TMC7: variants seen among roughly 807,000 people sequenced by gnomAD.
The protein encoded by TMC7 is transmembrane channel-like protein 7.
Under a neutral mutation model 82.9 loss-of-function variants are expected in TMC7, and 54 were observed. That is an observed-to-expected ratio of 0.65 (90% confidence interval 0.52 to 0.82). The LOEUF is 0.82. Ranked by LOEUF, TMC7 falls within the 40% of genes least tolerant of loss-of-function variation. The pLI is 0.00. For missense variants in TMC7, 820 were observed against 901.2 expected, an observed-to-expected ratio of 0.91 and a Z score of 1.15; for synonymous variants, 350 against 337.9, an observed-to-expected ratio of 1.04 and a Z score of -0.39.
chr16:18,997,574 TG>T (rs2039065411), intron 1 of TMC7, among the ~76,000 whole-genome samples: 1 of 151,750 alleles, frequency 6.6e-6, no homozygotes, highest in African/African-American at 2.4e-5. Flanking sequence ...TTCGCCATGT[TG>T]GCCAGGCTGG....
chr16:19,051,861 CT>C, intron 13 of TMC7, 45 bp downstream of exon 13: 1 of 1,604,962 alleles, frequency 6.2e-7, no homozygotes, highest in Non-Finnish European at 8.5e-7. Context: ...GCTTCTTGAC[CT>C]CTTCCTCTTT....
intron 1 of TMC7, among the ~76,000 whole-genome samples, chr16:19,004,041 TTAAA>T (rs1202105385): frequency 0.032 from 4,090 of 127,522 alleles, 168 homozygotes; most frequent in African/African-American, 0.1. Context: ...AAAAATAAAT[TTAAA>T]AAAAAAAAAA....
intron 1 of TMC7, among the ~76,000 whole-genome samples, chr16:19,008,890 A>T (rs558705482): frequency 4.6e-5 from 7 of 152,328 alleles, no homozygotes; most frequent in Admixed American, 4.6e-4. Context: ...AACTTGCCCA[A>T]GGCCATGCTT....
Position 19,045,451 on chromosome 16 carries a change from G to T in TMC7, c.1553+13G>T. On this transcript the variant is annotated intron_variant, in intron 11 of 15. Transcript: ENST00000304381. ...ATTTTCCTAGAAAGTAAGTGCGAGG[G>T]GTGCCCATATTATCCCCCCCACCAC... is the stretch of plus-strand genomic sequence containing the variant. 1.9e-6 allele frequency: 3 copies of T among 1,585,230 alleles called. No individual in the cohort carries two copies. The highest frequency in any genetic ancestry group is 2.6e-6 in the Non-Finnish European group (3 of 1,153,866).
At chr16:19,047,336 C>T in intron 12 of TMC7, 87 bp downstream of exon 12, 1 of 1,116,742 alleles carries the variant, frequency 9.0e-7, no homozygotes, top group Non-Finnish European at 1.3e-6. Flanking sequence ...CACCTCACAT[C>T]CCATGAGACG....
At position 19,021,673 on chromosome 16, in the gene TMC7, T is replaced by C. The variant is rs1004103108; in HGVS notation, c.505T>C (p.Phe169Leu). The change falls in exon 4 of 16, where the codon TTC (phenylalanine) becomes CTC (leucine). Residue 169 changes from phenylalanine to leucine, a missense_variant. Transcript: ENST00000304381. ...GIQSYFSFLR[F>L]LVLLNLVIFL... ...TCAGTCCTATTTCTCCTTCTTGAGA[T>C]TCCTGGTGTTGCTGAATTTGGTGAT... The C allele has an allele frequency of 1.9e-6, 3 of 1,614,164 alleles. No individual in the cohort carries two copies. The highest frequency in any genetic ancestry group is 1.3e-5 in the African/African-American group (1 of 75,048).
intron 8 of TMC7, among the ~76,000 whole-genome samples, chr16:19,039,040 C>G (rs1190236411): frequency 2.0e-5 from 3 of 151,526 alleles, no homozygotes; most frequent in Non-Finnish European, 4.4e-5. Context: ...TTCCGTTCAT[C>G]TTGTGGCTCT....
At chr16:19,055,640 G>A (rs1002810662) in intron 13 of TMC7, among the ~76,000 whole-genome samples, 3 of 152,136 alleles carry the variant, frequency 2.0e-5, no homozygotes, top group Non-Finnish European at 2.9e-5. Flanking sequence ...TTACAGATTT[G>A]TTTTTAAAAT....
chr16:19,011,395 A>C (rs1397294691), intron 2 of TMC7, among the ~76,000 whole-genome samples: 1 of 152,110 alleles, frequency 6.6e-6, no homozygotes, highest in Non-Finnish European at 1.5e-5. Context: ...AAGGTCAGGC[A>C]AAGTGGCTCA....
chr16:19,052,459 G>A (rs1260314333), intron 13 of TMC7, among the ~76,000 whole-genome samples: 1 of 152,154 alleles, frequency 6.6e-6, no homozygotes, highest in Admixed American at 6.6e-5. Context: ...GCCTCCTGAA[G>A]TATTGGGATT....
At chr16:19,026,101 C>T (rs116870888) in intron 5 of TMC7, among the ~76,000 whole-genome samples, 2,094 of 151,626 alleles carry the variant, frequency 0.014, 110 homozygotes, top group East Asian at 0.13. Flanking sequence ...CCTTTTACAT[C>T]TCTGATCTCA....
intron 5 of TMC7, among the ~76,000 whole-genome samples, chr16:19,024,536 A>G (rs1379194004): frequency 6.6e-6 from 1 of 152,104 alleles, no homozygotes; most frequent in East Asian, 1.9e-4. Flanking sequence ...CAAACTTGGC[A>G]CTATTGATAT....
At chr16:19,047,297 C>T in intron 12 of TMC7, 48 bp downstream of exon 12, 2 of 1,558,152 alleles carry the variant, frequency 1.3e-6, no homozygotes, top group Non-Finnish European at 1.7e-6. Flanking sequence ...CCATTTTCGA[C>T]CTTCCAGGGC....
At chr16:19,005,530 A>G (rs7202685) in intron 1 of TMC7, among the ~76,000 whole-genome samples, 1 of 152,102 alleles carries the variant, frequency 6.6e-6, no homozygotes, top group African/African-American at 2.4e-5. Context: ...CATTCCCGAG[A>G]TGAGAAAAAT....
At chr16:19,044,862 C>T in intron 9 of TMC7, 22 bp from the exon 10 acceptor site, 1 of 1,596,078 alleles carries the variant, frequency 6.3e-7, no homozygotes, top group Non-Finnish European at 8.6e-7. Context: ...TCTTCCCATC[C>T]TCTCTCCTTC....
chr16:19,031,556 A>C (rs1490460970), intron 6 of TMC7, among the ~76,000 whole-genome samples: 1 of 152,190 alleles, frequency 6.6e-6, no homozygotes, highest in Non-Finnish European at 1.5e-5. Flanking sequence ...CTGTAGTCCC[A>C]GCTGCTTGGG....
chr16:19,037,908 T>C lies in TMC7; in HGVS notation c.1040T>C (p.Ile347Thr), dbSNP rs761190046. 6.2e-7 allele frequency: 1 copy of C among 1,613,594 alleles called. No homozygotes were observed. Among genetic ancestry groups the C allele is most frequent in the South Asian group, 1.1e-5 (1 of 90,874 alleles). ...DLEEERMRQKIAERTSEETIR... is the reference protein window; with the variant it reads ...DLEEERMRQKTAERTSEETIR... ...GAGGAAGAAAGAATGCGGCAGAAAA[T>C]AGCAGAAAGGACCTCAGAAGAAACA... Residue 347 changes from isoleucine (I) to threonine (T), a missense_variant, in exon 8 of 16, where the codon ATA becomes ACA. Around this residue, in one of 2 missense-constraint regions of TMC7, gnomAD observed 650 missense variants for 669.9 expected, o/e 0.97. Coordinates refer to ENST00000304381, the MANE Select transcript of TMC7 (RefSeq NM_024847.4).
intron 14 of TMC7, among the ~76,000 whole-genome samples, chr16:19,057,532 A>AGG (rs1312537463): frequency 1.3e-5 from 2 of 152,228 alleles, no homozygotes; most frequent in Non-Finnish European, 2.9e-5. Context: ...GTAAAAAGGC[A>AGG]GGATACCTTT....
At chr16:19,005,506 G>A (rs1458153049) in intron 1 of TMC7, among the ~76,000 whole-genome samples, 1 of 152,160 alleles carries the variant, frequency 6.6e-6, no homozygotes, top group Non-Finnish European at 1.5e-5. Flanking sequence ...TGAGGCCCAT[G>A]GTATTAGATC....
Sources: gnomAD v4.1 joint callset for allele counts (sites outside exome capture counted in the v4.1 genomes callset) on GRCh38, gnomAD v4.1.1 for gene constraint, gnomAD v4.1.1 regional missense constraint, MANE v1.5 for transcripts, NCBI Gene and HGNC (gene_info 2026-07-23, HGNC 2026-07-21) for gene names.